LIG1: variants seen among roughly 807,000 people sequenced by gnomAD.
LIG1 encodes DNA ligase 1.
A neutral mutation model predicts 115.7 loss-of-function variants in LIG1; 70 were observed. The observed-to-expected ratio is 0.60, with a 90% CI of 0.50 to 0.74. The LOEUF (loss-of-function observed/expected upper bound fraction) is 0.74, where lower values mean the gene tolerates loss of function less well. Ranked by LOEUF, LIG1 falls within the 30% of genes least tolerant of loss-of-function variation. LIG1 has a pLI of 0.00. For synonymous variants in LIG1, 487 were observed against 495.3 expected (o/e 0.98, Z 0.22); for missense variants, 1,115 against 1,225.6 (o/e 0.91, Z 1.35).
intron 21 of LIG1, among the ~76,000 whole-genome samples, chr19:48,126,785 T>C (rs1446462515): frequency 1.3e-5 from 2 of 151,622 alleles, no homozygotes; most frequent in Non-Finnish European, 1.5e-5. Flanking sequence ...GTCTTTTCTA[T>C]ATTGCCCAGG....
Position 48,168,315 on chromosome 19 carries a change from C to G in LIG1, c.-58+1926G>C, listed in dbSNP as rs574104566. Among the ~76,000 whole-genome samples the G allele has an allele frequency of 3.7e-4, 56 of 152,280 alleles. 1 individual carries two copies. The highest frequency in any genetic ancestry group is 2.4e-3 in the Admixed American group (37 of 15,282). ...TCCAAGACAGGTGAGATCATCCCCA[C>G]TTTATAGATGAAGGTAATGAGGACA... On this transcript the variant is annotated intron_variant, in intron 1 of 27. Coordinates refer to ENST00000263274, the MANE Select transcript of LIG1 (RefSeq NM_000234.3).
In LIG1 at chr19:48,121,269, G is replaced by T. The variant is rs3731027; in HGVS notation, c.2286C>A (p.Ile762=). The change falls in exon 24 of 28, where the codon ATC becomes ATA. Residue 762 remains isoleucine, a synonymous_variant. Coordinates refer to ENST00000263274, the MANE Select transcript of LIG1 (RefSeq NM_000234.3). ...GCTTCCCCCGGCCCAGGTAGGCGCC[G>T]ATCACCACCAGGTCCAGGGTGTCAC... is the stretch of plus-strand genomic sequence containing the variant. ...GVGDTLDLVV[I]GAYLGRGKRA... is the part of the protein sequence containing the mutation. 1 of 1,613,348 alleles carries T rather than the reference G, an allele frequency of 6.2e-7. No individual in the cohort carries two copies. Among genetic ancestry groups the T allele is most frequent in the East Asian group, 2.2e-5 (1 of 44,852 alleles).
At chr19:48,165,657 T>C (rs439132) in intron 1 of LIG1, 34 bp from the exon 2 acceptor site, 51,196 of 1,537,140 alleles carry the variant, frequency 0.033, 4,454 homozygotes, top group African/African-American at 0.27. Context: ...GTTGAGGTGA[T>C]TGGTTGTGCA....
At chr19:48,149,883 G>A (rs373979111) in intron 8 of LIG1, 42 bp from the exon 9 acceptor site, 18 of 1,588,804 alleles carry the variant, frequency 1.1e-5, no homozygotes, top group Middle Eastern at 3.3e-4. Context: ...TTCTCCTTCC[G>A]GTAGCCCCCA....
At chr19:48,135,897 TCCCCCCCA>T in intron 15 of LIG1, 118 bp from the exon 16 acceptor site, 1 of 536,290 alleles carries the variant, frequency 1.9e-6, no homozygotes, top group Non-Finnish European at 3.4e-6. Flanking sequence ...AGACGCCCCC[TCCCCCCCA>T]CCCAGGAGAG....
At chr19:48,120,796 GA>G (rs551403916) in intron 24 of LIG1, 643 of 459,308 alleles carry the variant, frequency 1.4e-3, no homozygotes, top group Non-Finnish European at 1.6e-3. Flanking sequence ...GCACATGGCA[GA>G]AAAAAAAAAT....
intron 25 of LIG1, among the ~76,000 whole-genome samples, chr19:48,118,739 G>A (rs184445542): frequency 2.0e-5 from 3 of 152,060 alleles, no homozygotes; most frequent in Admixed American, 1.3e-4. Context: ...GTATGAGTAT[G>A]AAAATAAACT....
chr19:48,134,737 C>G (rs999883780), intron 16 of LIG1, among the ~76,000 whole-genome samples: 1 of 152,228 alleles, frequency 6.6e-6, no homozygotes, highest in Non-Finnish European at 1.5e-5. Flanking sequence ...GTGGGGTAGG[C>G]CTGAGGTCAG....
At chr19:48,139,793 CCT>C (rs41545337) in intron 12 of LIG1, among the ~76,000 whole-genome samples, 176 bp downstream of exon 12, 45,499 of 151,462 alleles carry the variant, frequency 0.3, 7,857 homozygotes, top group East Asian at 0.55. Context: ...AACTGCTGCC[CCT>C]GTGTTCTCTC....
chr19:48,142,699 A>C (rs1244044637), intron 11 of LIG1, among the ~76,000 whole-genome samples: 1 of 152,070 alleles, frequency 6.6e-6, no homozygotes, highest in Non-Finnish European at 1.5e-5. Flanking sequence ...GCTGGAGTGT[A>C]ATAGCGTGAT....
chr19:48,147,374 A>G (rs2035184342), intron 9 of LIG1: 2 of 152,166 alleles, frequency 1.3e-5, no homozygotes, highest in African/African-American at 4.8e-5. Flanking sequence ...TCAGATGGAT[A>G]TATGATTATG....
Position 48,142,442 on chromosome 19 carries a change from C to CAAAAAAAAAAAAAAAAAAAAAAA in LIG1, c.914+1100_914+1101insTTTTTTTTTTTTTTTTTTTTTTT, listed in dbSNP as rs561137392. 1.4e-3 allele frequency among the ~76,000 whole-genome samples: 103 copies of CAAAAAAAAAAAAAAAAAAAAAAA among 75,526 alleles called. 9 individuals are homozygous for CAAAAAAAAAAAAAAAAAAAAAAA. The highest frequency in any genetic ancestry group is 2.2e-3 in the South Asian group (4 of 1,838). 49.5% of individuals were successfully genotyped at this position (75,526 alleles called of 152,430 possible). ...TGGGCAACAGAGCAAGACTCCATCT[C>CAAAAAAAAAAAAAAAAAAAAAAA]AAAAAAAAAAAAAAACAGAGTGCTG... On this transcript the variant is annotated intron_variant, in intron 11 of 27. Coordinates refer to ENST00000263274, the MANE Select transcript of LIG1 (RefSeq NM_000234.3).
intron 7 of LIG1, 35 bp from the exon 8 acceptor site, chr19:48,150,245 C>CT (rs1352456767): frequency 4.5e-5 from 73 of 1,613,774 alleles, no homozygotes; most frequent in Non-Finnish European, 6.0e-5. Flanking sequence ...GATGCAAACT[C>CT]TTTGACCCTG....
At position 48,115,914 on chromosome 19, in the gene LIG1, G is replaced by C; in HGVS notation, c.2635C>G (p.Arg879Gly). The C allele has an allele frequency of 1.9e-6, 3 of 1,614,006 alleles. No individual in the cohort carries two copies. Among genetic ancestry groups the C allele is most frequent in the Non-Finnish European group, 2.5e-6 (3 of 1,180,000 alleles). The change falls in exon 27 of 28, where the codon CGT (arginine) becomes GGT (glycine). Residue 879 changes from arginine to glycine, a missense_variant. Physicochemically the swap from Arg to Gly is moderately radical, Grantham distance 125. Coordinates refer to ENST00000263274, the MANE Select transcript of LIG1 (RefSeq NM_000234.3). ...SLRFPRFIRV[R>G]EDKQPEQATT... Reference sequence around the variant, plus strand: ...GCCTGCTCCGGCTGCTTGTCTTCACGGACTCGAATAAACCGAGGGAAGCGA... The same window carrying C: ...GCCTGCTCCGGCTGCTTGTCTTCACCGACTCGAATAAACCGAGGGAAGCGA...
At chr19:48,138,566 G>A (rs995825831) in intron 12 of LIG1, among the ~76,000 whole-genome samples, 4 of 152,124 alleles carry the variant, frequency 2.6e-5, no homozygotes, top group Non-Finnish European at 5.9e-5. Context: ...CAAAGGGGAC[G>A]GGATTCTCCA....
intron 5 of LIG1, among the ~76,000 whole-genome samples, 195 bp downstream of exon 5, chr19:48,156,819 T>C (rs1395061840): frequency 6.6e-6 from 1 of 151,138 alleles, no homozygotes; most frequent in Non-Finnish European, 1.5e-5. Context: ...CGGGCTCCTG[T>C]AGTCCCAGCT....
Position 48,142,442 on chromosome 19 carries a change from C to CAAAAAAAAAAAAACAAAA in LIG1, c.914+1100_914+1101insTTTTGTTTTTTTTTTTTT, listed in dbSNP as rs2034825820. Among the ~76,000 whole-genome samples the CAAAAAAAAAAAAACAAAA allele has an allele frequency of 4.0e-5, 3 of 75,618 alleles. No homozygotes were observed. The South Asian group carries it at 1.6e-3, about 41-fold the overall frequency. The allele number at this position is 75,618 out of a possible 152,430, so 49.6% of individuals were successfully genotyped here. On this transcript the variant is annotated intron_variant, in intron 11 of 27. Transcript: ENST00000263274. ...TGGGCAACAGAGCAAGACTCCATCTCAAAAAAAAAAAAAAACAGAGTGCTG... is the reference window on the plus strand; with the variant it reads ...TGGGCAACAGAGCAAGACTCCATCTCAAAAAAAAAAAAACAAAAAAAAAAAAAAAAAAACAGAGTGCTG...
intron 5 of LIG1, among the ~76,000 whole-genome samples, chr19:48,156,364 G>A (rs1031792028): frequency 7.9e-5 from 12 of 152,156 alleles, no homozygotes; most frequent in Admixed American, 2.6e-4. Context: ...CCATCTCAGC[G>A]CATAACTACA....
At chr19:48,163,084 T>A (rs2036277727) in intron 2 of LIG1, among the ~76,000 whole-genome samples, 2 of 151,158 alleles carry the variant, frequency 1.3e-5, no homozygotes, top group South Asian at 4.2e-4. Flanking sequence ...CCAGCTAATT[T>A]TTTTTGTATT....
Sources: allele counts gnomAD v4.1 joint callset (sites outside exome capture counted in the v4.1 genomes callset), GRCh38; gene constraint gnomAD v4.1.1; transcripts MANE v1.5; gene names NCBI Gene and HGNC (gene_info 2026-07-23, HGNC 2026-07-21).